FHIP2A: variants seen among roughly 807,000 people sequenced by gnomAD.
FHIP2A encodes the protein FHF complex subunit HOOK interacting protein 2A.
Under a neutral mutation model 93.5 loss-of-function variants are expected in FHIP2A, and 46 were observed. That is an observed-to-expected ratio of 0.49 (90% CI 0.39 to 0.63). The LOEUF (loss-of-function observed/expected upper bound fraction) is 0.63, where lower values mean the gene tolerates loss of function less well. FHIP2A is among the 20% of genes least tolerant of loss of function. The probability of loss-of-function intolerance (pLI) is 0.00; values close to 1 mark genes in which losing one functional copy is unlikely to be tolerated. For missense variants in FHIP2A, 769 were observed against 909.7 expected (o/e 0.85, Z 1.99); for synonymous variants, 332 against 326.5 (o/e 1.02, Z -0.18).
intron 1 of FHIP2A, among the ~76,000 whole-genome samples, chr10:114,826,156 C>T (rs2083574568): frequency 6.6e-6 from 1 of 152,194 alleles, no homozygotes; most frequent in South Asian, 2.1e-4. Context: ...TCTTCTGAGT[C>T]ACCACGAAAG....
At chr10:114,882,762 C>T (rs1461610825) in intron 16 of FHIP2A, among the ~76,000 whole-genome samples, 5 of 151,856 alleles carry the variant, frequency 3.3e-5, no homozygotes, top group African/African-American at 9.7e-5. Context: ...GTAGTCCAAG[C>T]TACTTGGGAG....
downstream of FHIP2A, among the ~76,000 whole-genome samples, chr10:114,869,558 T>C (rs1193938818): frequency 6.6e-6 from 1 of 152,220 alleles, no homozygotes; most frequent in Non-Finnish European, 1.5e-5. Flanking sequence ...CACCTACTTT[T>C]AAAATAAAAT....
At position 114,835,574 on chromosome 10, in the gene FHIP2A, A is replaced by G. The variant is rs145947483; in HGVS notation, c.332A>G (p.Tyr111Cys). 4.0e-4 allele frequency: 641 copies of G among 1,613,448 alleles called. 8 individuals are homozygous for G. The East Asian group carries it at 0.012, about 29-fold the overall frequency. ...ATGAAACAGCAGGTTTTGGTTTTCT[A>G]TACGAAACTTCTGGGAAGAATCCGG... ...PGMKQQVLVF[Y>C]TKLLGRIRQP... The change falls in exon 4 of 17, where the codon TAT becomes TGT. Residue 111 changes from tyrosine to cysteine, a missense_variant. Coordinates refer to ENST00000369248, the MANE Select transcript of FHIP2A (RefSeq NM_020940.4).
intron 5 of FHIP2A, among the ~76,000 whole-genome samples, chr10:114,838,755 G>A (rs954367699): frequency 2.1e-4 from 32 of 152,184 alleles, no homozygotes; most frequent in African/African-American, 7.7e-4. Context: ...GAGGTACACT[G>A]TATGTACCTG....
intron 16 of FHIP2A, chr10:114,899,459 C>A: frequency 1.4e-6 from 1 of 718,502 alleles, no homozygotes; most frequent in Non-Finnish European, 2.6e-6. Context: ...GTCTTACCTT[C>A]ATTTCCTGAT....
intron 13 of FHIP2A, 112 bp from the exon 14 acceptor site, chr10:114,855,085 G>C: frequency 8.9e-7 from 1 of 1,119,156 alleles, no homozygotes; most frequent in Non-Finnish European, 1.3e-6. Context: ...CTGAAGCATA[G>C]CAGACATTCT....
rs748137396 is a variant in FHIP2A, at chr10:114,861,553, A to G, written c.*13A>G. ...CTCCACACCATAAATAACATCTTTC[A>G]TGTAACTGGGGGAACAGAACTACTG... On this transcript the variant is annotated 3_prime_UTR_variant, in exon 17 of 17. Coordinates refer to ENST00000369248, the MANE Select transcript of FHIP2A (RefSeq NM_020940.4). 6.2e-7 allele frequency: 1 copy of G among 1,612,116 alleles called. No homozygotes were observed. The highest frequency in any genetic ancestry group is 8.5e-7 in the Non-Finnish European group (1 of 1,179,774).
At chr10:114,829,774 A>G (rs776334526) in intron 1 of FHIP2A, among the ~76,000 whole-genome samples, 21 of 152,026 alleles carry the variant, frequency 1.4e-4, no homozygotes, top group Non-Finnish European at 2.1e-4. Context: ...GGGAGCTCTC[A>G]CTCTCTTTCA....
At chr10:114,881,387 G>T (rs941298450) in intron 16 of FHIP2A, among the ~76,000 whole-genome samples, 18 of 152,226 alleles carry the variant, frequency 1.2e-4, no homozygotes, top group African/African-American at 4.3e-4. Flanking sequence ...GGGCTGAGAC[G>T]CTGATTGGAT....
chr10:114,837,682 A>G (rs1483115927), intron 5 of FHIP2A, among the ~76,000 whole-genome samples: 1 of 152,158 alleles, frequency 6.6e-6, no homozygotes, highest in Admixed American at 6.5e-5. Flanking sequence ...ACACTACCCC[A>G]TGATCCTCTG....
intron 5 of FHIP2A, among the ~76,000 whole-genome samples, chr10:114,840,652 G>A (rs1043944370): frequency 2.0e-5 from 3 of 152,178 alleles, no homozygotes; most frequent in African/African-American, 7.2e-5. Context: ...CAGACTAGAG[G>A]TAGGCTCTAT....
chr10:114,855,476 G>A (rs1315405316), intron 14 of FHIP2A, 136 bp downstream of exon 14: 1 of 738,572 alleles, frequency 1.4e-6, no homozygotes, highest in Non-Finnish European at 2.1e-6. Context: ...TTTTCATGAA[G>A]CTTGATTGCC....
At chr10:114,897,371 G>A (rs2084006089) in intron 16 of FHIP2A, among the ~76,000 whole-genome samples, 1 of 152,172 alleles carries the variant, frequency 6.6e-6, no homozygotes, top group Non-Finnish European at 1.5e-5. Context: ...TACTTTCGTG[G>A]CAAAACTGCT....
At chr10:114,852,505 A>T (rs531164871) in intron 13 of FHIP2A, among the ~76,000 whole-genome samples, 1 of 152,062 alleles carries the variant, frequency 6.6e-6, no homozygotes, top group Admixed American at 6.6e-5. Context: ...TTCATCTTCT[A>T]TTCTCCTTAG....
intron 6 of FHIP2A, 60 bp downstream of exon 6, chr10:114,843,286 A>T: frequency 9.3e-7 from 1 of 1,073,008 alleles, no homozygotes; most frequent in Non-Finnish European, 1.2e-6. Flanking sequence ...GTATTTATTT[A>T]TTTTTTTAAT....
chr10:114,841,257 T>A (rs1328977056), intron 5 of FHIP2A, among the ~76,000 whole-genome samples: 2 of 152,054 alleles, frequency 1.3e-5, no homozygotes, highest in African/African-American at 2.4e-5. Context: ...TTGAATGAAA[T>A]GTTTTACTTT....
At chr10:114,835,970 A>G (rs1393913989) in intron 4 of FHIP2A, among the ~76,000 whole-genome samples, 154 bp from the exon 5 acceptor site, 2 of 152,196 alleles carry the variant, frequency 1.3e-5, no homozygotes, top group East Asian at 3.8e-4. Flanking sequence ...TTATTTTGAT[A>G]TAGATAATTA....
chr10:114,821,964 C>A lies in FHIP2A; in HGVS notation c.-115C>A. 1 of 542,234 alleles carries A rather than the reference C, an allele frequency of 1.8e-6. No individual in the cohort carries two copies. The highest frequency in any genetic ancestry group is 2.7e-6 in the Non-Finnish European group (1 of 363,876). The allele number at this position is 542,234 out of a possible 1,614,324, so 33.6% of individuals were successfully genotyped here. On this transcript the variant is annotated 5_prime_UTR_variant, in exon 1 of 17. Transcript: ENST00000369248. ...CTCGATCCTCAGCTCGTCCTCCCCG[C>A]CCCGCACCGGCCTTCACTCTGGAGC...
chr10:114,895,636 T>C lies in FHIP2A; in HGVS notation c.2193-3854T>C, dbSNP rs550904961. Among the ~76,000 whole-genome samples, 27 of 152,292 alleles carry C rather than the reference T, an allele frequency of 1.8e-4. 1 individual carries two copies. Among genetic ancestry groups the C allele is most frequent in the African/African-American group, 6.3e-4 (26 of 41,562 alleles). ...CAAGAGGGGACCAGTATCCTGACTTTACAGTTGAAAAAAATTGAGGCTCCG... is the reference window on the plus strand; with the variant it reads ...CAAGAGGGGACCAGTATCCTGACTTCACAGTTGAAAAAAATTGAGGCTCCG... On this transcript the variant is annotated intron_variant, in intron 16 of 16. Coordinates refer to the FHIP2A transcript ENST00000369250.
Sources: gnomAD v4.1 joint callset for allele counts (sites outside exome capture counted in the v4.1 genomes callset) on GRCh38, gnomAD v4.1.1 for gene constraint, MANE v1.5 for transcripts, NCBI Gene and HGNC (gene_info 2026-07-23, HGNC 2026-07-21) for gene names.